The following NCOA1 variants were observed in gnomAD, a reference collection of about 807,000 sequenced individuals.
NCOA1 encodes Hin-2 protein.
NCOA1 carries 35 observed loss-of-function variants against 150.9 expected under a neutral mutation model. The observed-to-expected ratio is 0.23, with a 90% CI of 0.18 to 0.31. The LOEUF is 0.31. Among genes scored for constraint, NCOA1 ranks in the 10% least tolerant of loss-of-function variants. The pLI, the probability that NCOA1 is intolerant of heterozygous loss-of-function variation, is 1.00. For missense variants in NCOA1, 1,491 were observed against 1,749.3 expected (o/e 0.85, Z 2.63); for synonymous variants, 590 against 630.0 (o/e 0.94, Z 0.95).
At chr2:24,650,283 C>CTACAAT (rs1204955587) in intron 4 of NCOA1, among the ~76,000 whole-genome samples, 1 of 151,770 alleles carries the variant, frequency 6.6e-6, no homozygotes, top group Non-Finnish European at 1.5e-5. Context: ...TTCAAAATAT[C>CTACAAT]TAGTATTCAA....
chr2:24,587,866 TTCAG>T lies in NCOA1; in HGVS notation c.-175+3308_-175+3311del, dbSNP rs548060297. On this transcript the variant is annotated intron_variant, in intron 3 of 22. Coordinates refer to ENST00000348332, the MANE Select transcript of NCOA1 (RefSeq NM_003743.5). The stretch of plus-strand genomic sequence containing the variant: ...CCTGGTCCCATGGACAAAAATCTGA[TTCAG>T]TAAGTCTAGAGTAGGGCACATAAAC... Among the ~76,000 whole-genome samples, 23 of 152,344 alleles carry T rather than the reference TTCAG, an allele frequency of 1.5e-4. No homozygotes were observed. The East Asian group carries it at 4.0e-3, about 27-fold the overall frequency.
Position 24,683,007 on chromosome 2 carries a change from A to G in NCOA1, c.411A>G (p.Ser137=). The G allele has an allele frequency of 6.2e-7, 1 of 1,607,954 alleles. No individual in the cohort carries two copies. The highest frequency in any genetic ancestry group is 1.1e-5 in the South Asian group (1 of 89,906). ...GTGAAGGGAGAATTGTATTTGTGTCAGAGAATGTAACCAGCTACTTAGGTT... is the reference window on the plus strand; with the variant it reads ...GTGAAGGGAGAATTGTATTTGTGTCGGAGAATGTAACCAGCTACTTAGGTT... ...VNCEGRIVFV[S]ENVTSYLGYN... Residue 137 remains serine, a synonymous_variant, in exon 8 of 23, where the codon TCA becomes TCG. Coordinates refer to ENST00000348332, the MANE Select transcript of NCOA1 (RefSeq NM_003743.5).
At chr2:24,677,388 G>A (rs1354282080) in intron 7 of NCOA1, among the ~76,000 whole-genome samples, 1 of 152,012 alleles carries the variant, frequency 6.6e-6, no homozygotes, top group Admixed American at 6.6e-5. Context: ...CCTGAGACTG[G>A]GTAATTTATA....
intron 3 of NCOA1, among the ~76,000 whole-genome samples, chr2:24,628,631 G>A (rs754258580): frequency 6.6e-5 from 10 of 152,122 alleles, no homozygotes; most frequent in East Asian, 1.9e-4. Flanking sequence ...TGAAGAAAAC[G>A]TAGAAAATGC....
chr2:24,770,453 CTGTT>C lies in NCOA1; in HGVS notation c.*2068_*2071del. ...TCACCTTCAAGGTTTTATAATTGCA[CTGTT>C]TGTTTTATGTATGTACAGATTAAAA... is the stretch of plus-strand genomic sequence containing the variant. On this transcript the variant is annotated 3_prime_UTR_variant, in exon 23 of 23. Transcript: ENST00000348332. 1 of 226,714 alleles carries C rather than the reference CTGTT, an allele frequency of 4.4e-6. No individual in the cohort carries two copies. Among genetic ancestry groups the C allele is most frequent in the East Asian group, 6.4e-5 (1 of 15,604 alleles). The allele number at this position is 226,714 out of a possible 1,614,324, so 14.0% of individuals were successfully genotyped here. A position where few individuals can be genotyped will look rare whatever the true frequency, so the allele number is the denominator to read the frequency against.
intron 17 of NCOA1, 95 bp from the exon 18 acceptor site, chr2:24,739,337 C>G: frequency 1.1e-6 from 1 of 905,502 alleles, no homozygotes; most frequent in Non-Finnish European, 1.8e-6. Context: ...AACACTAAAA[C>G]TTTTTAGTAA....
At chr2:24,684,426 C>T (rs1221117542) in intron 8 of NCOA1, among the ~76,000 whole-genome samples, 5 of 152,178 alleles carry the variant, frequency 3.3e-5, no homozygotes, top group African/African-American at 1.2e-4. Context: ...ATTACCTGTT[C>T]TGCCTGGTTC....
At chr2:24,504,922 T>C (rs983962795) in intron 1 of NCOA1, among the ~76,000 whole-genome samples, 6 of 152,142 alleles carry the variant, frequency 3.9e-5, no homozygotes, top group African/African-American at 1.4e-4. Flanking sequence ...ATTTTCCCCC[T>C]GTTATCAACA....
chr2:24,626,485 T>C (rs1391676664), intron 3 of NCOA1, among the ~76,000 whole-genome samples: 1 of 152,142 alleles, frequency 6.6e-6, no homozygotes, highest in Non-Finnish European at 1.5e-5. Context: ...GGATTGAATA[T>C]AGGAAAAGCA....
At chr2:24,693,123 G>C in intron 9 of NCOA1, 129 bp from the exon 10 acceptor site, 1 of 803,350 alleles carries the variant, frequency 1.2e-6, no homozygotes, top group Non-Finnish European at 2.1e-6. Context: ...CAAAGTGCTG[G>C]GATTACAGGC....
intron 2 of NCOA1, among the ~76,000 whole-genome samples, chr2:24,577,913 A>T (rs558367158): frequency 6.6e-6 from 1 of 152,126 alleles, no homozygotes; most frequent in Admixed American, 6.6e-5. Flanking sequence ...TATGCTTTCA[A>T]ATTTAAGTTA....
chr2:24,600,189 G>A (rs1052781055), intron 3 of NCOA1, among the ~76,000 whole-genome samples: 13 of 152,070 alleles, frequency 8.5e-5, no homozygotes, highest in Admixed American at 5.9e-4. Flanking sequence ...GCAGCATTGC[G>A]ATTATGTTTT....
chr2:24,706,225 G>A (rs1464332967), intron 12 of NCOA1, among the ~76,000 whole-genome samples: 1 of 151,766 alleles, frequency 6.6e-6, no homozygotes, highest in Non-Finnish European at 1.5e-5. Flanking sequence ...GTGTATATTA[G>A]GCTTAGAAAT....
At chr2:24,756,181 G>A (rs1410570273) in intron 20 of NCOA1, among the ~76,000 whole-genome samples, 1 of 152,108 alleles carries the variant, frequency 6.6e-6, no homozygotes, top group Non-Finnish European at 1.5e-5. Flanking sequence ...TTGAACCCAG[G>A]AGGCAGAGGT....
chr2:24,519,652 C>CAA lies in NCOA1; in HGVS notation c.-396+28068_-396+28069dup, dbSNP rs1014874055. On this transcript the variant is annotated intron_variant, in intron 1 of 22. Transcript: ENST00000348332. ...CTGGGCAGCAAAGGCCCTGTCTCTACAAAAAAAAAAAAAAAAAAATTAGCT... is the reference window on the plus strand; with the variant it reads ...CTGGGCAGCAAAGGCCCTGTCTCTACAAAAAAAAAAAAAAAAAAAAATTAGCT... Among the ~76,000 whole-genome samples, 180 of 72,270 alleles carry CAA rather than the reference C, an allele frequency of 2.5e-3. 1 individual carries two copies. The highest frequency in any genetic ancestry group is 4.1e-3 in the African/African-American group (73 of 17,940). 47.4% of individuals were successfully genotyped at this position (72,270 alleles called of 152,430 possible). A position where few individuals can be genotyped will look rare whatever the true frequency, so the allele number is the denominator to read the frequency against.
At chr2:24,660,561 A>G (rs1168691358) in intron 5 of NCOA1, among the ~76,000 whole-genome samples, 1 of 152,172 alleles carries the variant, frequency 6.6e-6, no homozygotes, top group African/African-American at 2.4e-5. Context: ...TACTTTTTCA[A>G]CATGGATTTT....
intron 5 of NCOA1, among the ~76,000 whole-genome samples, chr2:24,664,854 A>G (rs1024318747): frequency 2.6e-5 from 4 of 152,232 alleles, no homozygotes; most frequent in African/African-American, 7.2e-5. Flanking sequence ...TGCTTATAAA[A>G]CAAAGAGCTA....
intron 3 of NCOA1, among the ~76,000 whole-genome samples, chr2:24,637,695 T>C (rs899589934): frequency 2.0e-5 from 3 of 151,294 alleles, no homozygotes; most frequent in African/African-American, 7.4e-5. Context: ...TGTTTTGTTT[T>C]GTTTTGTTTT....
chr2:24,592,714 TA>T (rs1285923989), intron 3 of NCOA1, among the ~76,000 whole-genome samples: 3 of 151,002 alleles, frequency 2.0e-5, no homozygotes, highest in Admixed American at 6.7e-5. Flanking sequence ...AAAAGCATAA[TA>T]AAAAAGCTTA....
Sources: allele counts gnomAD v4.1 joint callset (sites outside exome capture counted in the v4.1 genomes callset), GRCh38; gene constraint gnomAD v4.1.1; transcripts MANE v1.5; gene names NCBI Gene and HGNC (gene_info 2026-07-23, HGNC 2026-07-21).